Variants in ESR1 observed in about 807,000 individuals in gnomAD.
The protein encoded by ESR1 is estrogen receptor 1.
A neutral mutation model predicts 52.7 loss-of-function variants in ESR1; 12 were observed. The ratio of observed to expected loss-of-function variants is 0.23; its 90% CI spans 0.15 to 0.37. The LOEUF is 0.37. ESR1 is among the 10% of genes least tolerant of loss of function. The pLI is 1.00. For missense variants in ESR1, 584 were observed against 779.7 expected (o/e 0.75, Z 2.99); for synonymous variants, 305 against 316.8 (o/e 0.96, Z 0.39).
intron 1 of ESR1, among the ~76,000 whole-genome samples, 200 bp downstream of exon 1, chr6:151,808,564 C>G (rs892657996): frequency 2.6e-5 from 4 of 152,166 alleles, no homozygotes; most frequent in Non-Finnish European, 4.4e-5. Context: ...GTCAAGTTCT[C>G]TCGCCGGGCA....
At chr6:151,719,693 T>C (rs1196949389) in intron 2 of ESR1, among the ~76,000 whole-genome samples, 1 of 152,208 alleles carries the variant, frequency 6.6e-6, no homozygotes, top group Non-Finnish European at 1.5e-5. Context: ...TTCATTTTCA[T>C]GTGAAAACTT....
intron 3 of ESR1, among the ~76,000 whole-genome samples, chr6:151,901,911 C>T (rs1201041374): frequency 6.6e-6 from 1 of 152,220 alleles, no homozygotes; most frequent in African/African-American, 2.4e-5. Context: ...TTTCCACACA[C>T]TGCTCTGTTC....
chr6:151,675,079 GAAAT>G (rs1778206187), intron 1 of ESR1, among the ~76,000 whole-genome samples: 1 of 152,168 alleles, frequency 6.6e-6, no homozygotes, highest in Non-Finnish European at 1.5e-5. Context: ...GTTATTAATA[GAAAT>G]AACTAAGGGT....
At chr6:152,041,489 C>T (rs2045794842) in intron 5 of ESR1, among the ~76,000 whole-genome samples, 1 of 152,218 alleles carries the variant, frequency 6.6e-6, no homozygotes, top group African/African-American at 2.4e-5. Flanking sequence ...TATCCTTCAT[C>T]TTAGAAGGAA....
chr6:151,664,007 A>G (rs1448031566), intron 1 of ESR1, among the ~76,000 whole-genome samples: 1 of 152,120 alleles, frequency 6.6e-6, no homozygotes, highest in Non-Finnish European at 1.5e-5. Flanking sequence ...TCTTTCTATG[A>G]GGGATCTTGG....
At chr6:151,673,571 TCA>T (rs1778151693) in intron 1 of ESR1, among the ~76,000 whole-genome samples, 1 of 152,124 alleles carries the variant, frequency 6.6e-6, no homozygotes, top group Admixed American at 6.5e-5. Flanking sequence ...CTTGAGTTTA[TCA>T]ATATAATCTA....
At chr6:151,890,474 A>G (rs543266922) in intron 3 of ESR1, among the ~76,000 whole-genome samples, 1 of 152,302 alleles carries the variant, frequency 6.6e-6, no homozygotes, top group Admixed American at 6.5e-5. Context: ...GTTGGATGAA[A>G]TATTCTGTAT....
chr6:152,097,902 A>C (rs1382794896), intron 7 of ESR1, among the ~76,000 whole-genome samples: 1 of 152,186 alleles, frequency 6.6e-6, no homozygotes, highest in East Asian at 1.9e-4. Flanking sequence ...CAAATAAATA[A>C]AAAGGAGAAT....
chr6:151,832,638 C>G (rs1212371944), intron 1 of ESR1, among the ~76,000 whole-genome samples: 1 of 152,182 alleles, frequency 6.6e-6, no homozygotes, highest in Non-Finnish European at 1.5e-5. Flanking sequence ...ACAGACTCAG[C>G]TATGCTTCTG....
chr6:151,991,761 C>G (rs922698334), intron 4 of ESR1, among the ~76,000 whole-genome samples: 4 of 152,112 alleles, frequency 2.6e-5, no homozygotes, highest in Admixed American at 2.6e-4. Context: ...TTCTGCCTCT[C>G]CCCTTGTTTC....
At chr6:152,074,400 A>G (rs7757959) in intron 6 of ESR1, among the ~76,000 whole-genome samples, 31,202 of 152,072 alleles carry the variant, frequency 0.21, 4,413 homozygotes, top group African/African-American at 0.39. Context: ...AGGTTCTTCC[A>G]TGTCTTTTTA....
At chr6:151,969,461 A>ATG (rs140607624) in intron 4 of ESR1, among the ~76,000 whole-genome samples, 89 of 151,512 alleles carry the variant, frequency 5.9e-4, no homozygotes, top group Non-Finnish European at 8.4e-4. Flanking sequence ...TTTTGAGGGA[A>ATG]TGTGTGTGTG....
At chr6:151,694,085 G>C (rs1779147104) in intron 1 of ESR1, among the ~76,000 whole-genome samples, 1 of 152,192 alleles carries the variant, frequency 6.6e-6, no homozygotes, top group African/African-American at 2.4e-5. Flanking sequence ...TATTACGTGT[G>C]ATTCTCACAG....
chr6:151,906,774 G>A (rs1045271295), intron 3 of ESR1, among the ~76,000 whole-genome samples: 9 of 149,132 alleles, frequency 6.0e-5, no homozygotes, highest in South Asian at 4.3e-4. Flanking sequence ...GGAATTTATC[G>A]TATTTTTTCT....
intron 2 of ESR1, among the ~76,000 whole-genome samples, chr6:151,742,261 G>A (rs1295394932): frequency 6.6e-6 from 1 of 152,034 alleles, no homozygotes; most frequent in Non-Finnish European, 1.5e-5. Context: ...TCATTCCTTT[G>A]GATATATATT....
At chr6:151,733,001 T>C (rs562779453) in intron 2 of ESR1, among the ~76,000 whole-genome samples, 1 of 152,340 alleles carries the variant, frequency 6.6e-6, no homozygotes, top group South Asian at 2.1e-4. Context: ...TGTTCCTTTA[T>C]CCTGAAGCTC....
intron 5 of ESR1, among the ~76,000 whole-genome samples, chr6:152,049,642 G>C (rs2046511220): frequency 6.6e-6 from 1 of 152,192 alleles, no homozygotes; most frequent in African/African-American, 2.4e-5. Flanking sequence ...AGGATTTAGA[G>C]GCAGGCTCAT....
intron 3 of ESR1, among the ~76,000 whole-genome samples, chr6:151,926,431 A>G (rs1244665249): frequency 6.6e-6 from 1 of 152,130 alleles, no homozygotes; most frequent in African/African-American, 2.4e-5. Context: ...TTAAGTTGGG[A>G]AGAATTGACA....
intron 4 of ESR1, among the ~76,000 whole-genome samples, chr6:151,969,336 C>A (rs542811145): frequency 6.6e-6 from 1 of 152,190 alleles, no homozygotes; most frequent in South Asian, 2.1e-4. Flanking sequence ...CTTCTATAAA[C>A]CTGTAATCAA....
Sources: gnomAD v4.1 joint callset for allele counts (sites outside exome capture counted in the v4.1 genomes callset) on GRCh38, gnomAD v4.1.1 for gene constraint, MANE v1.5 for transcripts, NCBI Gene and HGNC (gene_info 2026-07-23, HGNC 2026-07-21) for gene names.